The following OR8B2 variants were observed in gnomAD, a reference collection of about 807,000 sequenced individuals.
OR8B2 encodes the protein olfactory receptor 8B2.
For missense variants in OR8B2, 304 were observed against 379.6 expected, an observed-to-expected ratio of 0.80 and a Z score of 1.65; for synonymous variants, 98 against 138.2, an observed-to-expected ratio of 0.71 and a Z score of 2.04.
chr11:124,386,520 T>C (rs201685894), upstream of OR8B2, among the ~76,000 whole-genome samples: 1 of 149,470 alleles, frequency 6.7e-6, no homozygotes, highest in Non-Finnish European at 1.5e-5. Flanking sequence ...TGGTTTTTTG[T>C]TCTTGCGATA....
chr11:124,382,479 A>C lies in OR8B2; in HGVS notation c.865T>G (p.Tyr289Asp), dbSNP rs773261981. The change falls in exon 2 of 2, where the codon TAC becomes GAC. Residue 289 changes from tyrosine to aspartate, a missense_variant. By Grantham distance (160) the Tyr-to-Asp change is radical. Coordinates refer to ENST00000641451, the MANE Select transcript of OR8B2 (RefSeq NM_001005468.2). ...NVVPMLNPLI[Y>D]SLRNKDVKVA... The stretch of plus-strand genomic sequence containing the variant: ...TTGACATCCTTGTTCCTCAAACTGT[A>C]GATGAGGGGATTGAGCATGGGCACC... 1.9e-6 allele frequency: 3 copies of C among 1,614,068 alleles called. No homozygotes were observed. In the Admixed American group the frequency reaches 5.0e-5, roughly 27 times the overall value.
the OR8B2 span, among the ~76,000 whole-genome samples, chr11:124,395,223 C>G: frequency 6.6e-6 from 1 of 151,574 alleles, no homozygotes; most frequent in African/African-American, 2.4e-5. Context: ...ATGATTGAAC[C>G]ACTGCATTCC....
the OR8B2 span, chr11:124,396,178 T>C: frequency 2.3e-6 from 1 of 436,908 alleles, no homozygotes; most frequent in East Asian, 3.7e-5. Context: ...ATGAAAAATA[T>C]CAGTGCATAT....
chr11:124,382,407 A>T lies in OR8B2; in HGVS notation c.937T>A (p.Phe313Ile). 1 of 1,598,634 alleles carries T rather than the reference A, an allele frequency of 6.3e-7. No individual in the cohort carries two copies. Among genetic ancestry groups the T allele is most frequent in the South Asian group, 1.1e-5 (1 of 87,214 alleles). Residue 313 changes from phenylalanine to isoleucine, a missense_variant, in exon 2 of 2, where the codon TTC (phenylalanine) becomes ATC (isoleucine). Phe to Ile is a conservative substitution (Grantham distance 21). Coordinates refer to ENST00000641451, the MANE Select transcript of OR8B2 (RefSeq NM_001005468.2). ...ALIKIQRRNI[F>I] is the part of the protein sequence containing the mutation. ...TACATCATTACTGCTTCTAATTAGA[A>T]TATATTTCTCCTCTGAATTTTAATC... is the stretch of plus-strand genomic sequence containing the variant.
the OR8B2 span, among the ~76,000 whole-genome samples, chr11:124,391,377 TAAAG>T: frequency 6.7e-6 from 1 of 149,098 alleles, no homozygotes; most frequent in Non-Finnish European, 1.5e-5. Flanking sequence ...GCAAGACTAA[TAAAG>T]AAAAAAAGAG....
chr11:124,396,282 G>C, the OR8B2 span: 2 of 874,776 alleles, frequency 2.3e-6, no homozygotes, highest in Non-Finnish European at 1.7e-6. Context: ...GATTTCATAA[G>C]AGAAATGATA....
At chr11:124,388,827 C>CTTT (rs145400784), upstream of OR8B2, among the ~76,000 whole-genome samples, 7 of 129,840 alleles carry the variant, frequency 5.4e-5, no homozygotes, top group Admixed American at 2.3e-4. Flanking sequence ...GTGTGAAATT[C>CTTT]TTTTTTTTTT....
In OR8B2 at chr11:124,382,844, G is replaced by A. The variant is rs1318347386; in HGVS notation, c.500C>T (p.Thr167Ile). The change falls in exon 2 of 2, where the codon ACC becomes ATC. Residue 167 changes from threonine to isoleucine, a missense_variant. Physicochemically the swap from Thr to Ile is moderately conservative, Grantham distance 89. Coordinates refer to ENST00000641451, the MANE Select transcript of OR8B2 (RefSeq NM_001005468.2). ...GTTGATGATATTAGCACTGCAGAAG[G>A]TGAGTCTAAGCATGCACCCGGTGTG... is the stretch of plus-strand genomic sequence containing the variant. ...TAHTGCMLRL[T>I]FCSANIINHY... 2 of 1,604,314 alleles carry A rather than the reference G, an allele frequency of 1.2e-6. No individual in the cohort carries two copies. Among genetic ancestry groups the A allele is most frequent in the Admixed American group, 1.7e-5 (1 of 59,428 alleles).
rs764254911 is a variant in OR8B2 at position 124,383,206 on chromosome 11, G to A, written c.138C>T (p.Ile46=). The part of the protein sequence containing the change: ...IVTMVGNLGL[I]TLFGLNSHLH... Reference sequence around the variant, plus strand: ...GGTGAGAATTTAGACCGAAAAGAGTGATCAAGCCAAGGTTGCCTACCATGG... The same window carrying A: ...GGTGAGAATTTAGACCGAAAAGAGTAATCAAGCCAAGGTTGCCTACCATGG... Residue 46 remains isoleucine (I), a synonymous_variant, in exon 2 of 2, where the codon ATC becomes ATT. Transcript: ENST00000641451. The A allele has an allele frequency of 1.1e-5, 18 of 1,613,850 alleles. No homozygotes were observed. Among genetic ancestry groups the A allele is most frequent in the African/African-American group, 2.7e-5 (2 of 74,948 alleles).
At chr11:124,383,884 C>T (rs1028625999) in intron 1 of OR8B2, among the ~76,000 whole-genome samples, 3 of 152,140 alleles carry the variant, frequency 2.0e-5, no homozygotes, top group African/African-American at 7.2e-5. Context: ...CCTTAGTAGT[C>T]GAGGCCTTAT....
chr11:124,393,918 T>C, the OR8B2 span, among the ~76,000 whole-genome samples: 12 of 150,828 alleles, frequency 8.0e-5, no homozygotes, highest in South Asian at 1.5e-3. Context: ...TGGAATACTA[T>C]GCAGCCATAA....
upstream of OR8B2, among the ~76,000 whole-genome samples, chr11:124,388,402 T>C (rs1460362188): frequency 6.6e-6 from 1 of 152,134 alleles, no homozygotes; most frequent in Non-Finnish European, 1.5e-5. Context: ...GGGTTTGTTT[T>C]AAATCCCTTT....
the OR8B2 span, among the ~76,000 whole-genome samples, chr11:124,390,063 G>T: frequency 2.6e-5 from 4 of 152,106 alleles, no homozygotes; most frequent in African/African-American, 9.7e-5. Context: ...TGAATTAATT[G>T]AGGTATGGAA....
upstream of OR8B2, among the ~76,000 whole-genome samples, chr11:124,386,172 CT>C (rs55659023): frequency 1.9e-4 from 28 of 146,578 alleles, no homozygotes; most frequent in Admixed American, 2.7e-4. Flanking sequence ...CTAATTCTAC[CT>C]TTTTTTTTTG....
the OR8B2 span, among the ~76,000 whole-genome samples, chr11:124,390,881 T>A: frequency 1.3e-5 from 2 of 152,166 alleles, no homozygotes; most frequent in Admixed American, 1.3e-4. Context: ...TTTTTGTGAA[T>A]GGTTTTGGTC....
At chr11:124,394,678 A>G in the OR8B2 span, among the ~76,000 whole-genome samples, 5 of 152,256 alleles carry the variant, frequency 3.3e-5, no homozygotes, top group Admixed American at 2.0e-4. Flanking sequence ...TACTCTGCCT[A>G]AACACCATGG....
the OR8B2 span, among the ~76,000 whole-genome samples, chr11:124,389,849 A>C: frequency 6.6e-6 from 1 of 152,186 alleles, no homozygotes; most frequent in South Asian, 2.1e-4. Flanking sequence ...GTAGTATGCT[A>C]TGCATTTCCT....
At chr11:124,386,305 G>T (rs961102113), upstream of OR8B2, among the ~76,000 whole-genome samples, 7 of 148,578 alleles carry the variant, frequency 4.7e-5, no homozygotes, top group South Asian at 2.2e-4. Flanking sequence ...TGTGCACAAT[G>T]TGCAGGTTAG....
the OR8B2 span, chr11:124,396,135 C>G: frequency 1.2e-3 from 326 of 280,374 alleles, 2 homozygotes; most frequent in Non-Finnish European, 1.8e-3. Context: ...CAATTAAGAA[C>G]AGCCCAGGAG....
Sources: gnomAD v4.1 joint callset for allele counts (sites outside exome capture counted in the v4.1 genomes callset) on GRCh38, gnomAD v4.1.1 for gene constraint, MANE v1.5 for transcripts, NCBI Gene and HGNC (gene_info 2026-07-23, HGNC 2026-07-21) for gene names.